The following EBF2 variants were observed in gnomAD, a reference collection of about 807,000 sequenced individuals.
EBF2 encodes the protein EBF transcription factor 2.
Under a neutral mutation model 72.8 loss-of-function variants are expected in EBF2, and 21 were observed. The observed-to-expected ratio is 0.29, with a 90% CI of 0.20 to 0.42. The LOEUF is 0.42. Ranked by LOEUF, EBF2 falls within the 10% of genes least tolerant of loss-of-function variation. The pLI, the probability that EBF2 is intolerant of heterozygous loss-of-function variation, is 1.00. For missense variants in EBF2, 637 were observed against 731.2 expected (o/e 0.87, Z 1.49); for synonymous variants, 299 against 274.2 (o/e 1.09, Z -0.89).
At chr8:26,022,172 A>G (rs900984708) in intron 6 of EBF2, among the ~76,000 whole-genome samples, 3 of 152,158 alleles carry the variant, frequency 2.0e-5, no homozygotes, top group African/African-American at 7.2e-5. Context: ...CTTTCCTTGC[A>G]GAGACCACCT....
At chr8:26,021,430 G>T (rs1459794613) in intron 6 of EBF2, among the ~76,000 whole-genome samples, 3 of 152,184 alleles carry the variant, frequency 2.0e-5, no homozygotes, top group Non-Finnish European at 4.4e-5. Flanking sequence ...TATGCTGATT[G>T]GGTCTGAAGT....
At chr8:25,875,723 G>T (rs1802509893) in intron 10 of EBF2, among the ~76,000 whole-genome samples, 1 of 152,140 alleles carries the variant, frequency 6.6e-6, no homozygotes. Flanking sequence ...CTTCCCAAGG[G>T]TAGAGTGCTT....
chr8:26,019,339 T>G (rs1358438399), intron 6 of EBF2, among the ~76,000 whole-genome samples: 1 of 150,836 alleles, frequency 6.6e-6, no homozygotes, highest in Non-Finnish European at 1.5e-5. Context: ...AAGAAGCAGG[T>G]CTCTGAAGCC....
chr8:26,037,893 G>C (rs1805530264), intron 5 of EBF2, among the ~76,000 whole-genome samples: 1 of 152,192 alleles, frequency 6.6e-6, no homozygotes, highest in African/African-American at 2.4e-5. Context: ...ACAGATTTAT[G>C]AGGCTTTTAC....
At chr8:26,026,158 C>T (rs1315210439) in intron 6 of EBF2, among the ~76,000 whole-genome samples, 1 of 152,124 alleles carries the variant, frequency 6.6e-6, no homozygotes, top group Non-Finnish European at 1.5e-5. Context: ...ACCTGGGCAA[C>T]AGAGCAAGAG....
intron 10 of EBF2, among the ~76,000 whole-genome samples, chr8:25,876,389 T>C (rs1198919247): frequency 1.3e-5 from 2 of 152,064 alleles, no homozygotes; most frequent in Non-Finnish European, 1.5e-5. Context: ...AATCTGCACG[T>C]CCTGCACGTG....
intron 15 of EBF2, among the ~76,000 whole-genome samples, chr8:25,845,610 G>T (rs1801817331): frequency 6.6e-6 from 1 of 152,174 alleles, no homozygotes; most frequent in Admixed American, 6.5e-5. Context: ...TTCGGACAAT[G>T]CCTGTCTGGG....
chr8:26,032,738 A>G (rs1242634055), intron 6 of EBF2: 1 of 201,034 alleles, frequency 5.0e-6, no homozygotes, highest in Admixed American at 5.4e-5. Context: ...AGTGGGTGCC[A>G]CTTAACTTGG....
At chr8:25,942,849 C>T (rs1011830512) in intron 6 of EBF2, among the ~76,000 whole-genome samples, 13 of 152,142 alleles carry the variant, frequency 8.5e-5, no homozygotes, top group African/African-American at 2.7e-4. Flanking sequence ...GAATTTTCCA[C>T]GCTCTTCTGC....
chr8:26,013,140 T>C (rs185666048), intron 6 of EBF2, among the ~76,000 whole-genome samples: 55 of 152,302 alleles, frequency 3.6e-4, no homozygotes, highest in African/African-American at 1.3e-3. Flanking sequence ...GACATTAAAA[T>C]CCAAAGGACG....
intron 15 of EBF2, among the ~76,000 whole-genome samples, chr8:25,850,085 C>G (rs1801929756): frequency 6.6e-6 from 1 of 152,142 alleles, no homozygotes; most frequent in South Asian, 2.1e-4. Flanking sequence ...TTGCTGATGT[C>G]TGTTTTCCCT....
At chr8:25,943,311 C>CA (rs71551840) in intron 6 of EBF2, among the ~76,000 whole-genome samples, 5,119 of 57,972 alleles carry the variant, frequency 0.088, 113 homozygotes, top group Middle Eastern at 0.12. Context: ...TGTCTCTACA[C>CA]AAAAAAAAAA....
chr8:25,900,745 C>A (rs1802937594), intron 7 of EBF2, among the ~76,000 whole-genome samples: 2 of 151,948 alleles, frequency 1.3e-5, no homozygotes, highest in South Asian at 2.1e-4. Flanking sequence ...AAAAACTAAC[C>A]TGCACATTGT....
At chr8:26,042,615 G>A (rs926786368) in intron 1 of EBF2, among the ~76,000 whole-genome samples, 1 of 152,210 alleles carries the variant, frequency 6.6e-6, no homozygotes, top group Admixed American at 6.5e-5. Flanking sequence ...CCGTGGGGCT[G>A]TCTCCATCCA....
intron 6 of EBF2, among the ~76,000 whole-genome samples, chr8:26,008,931 A>G (rs1393899148): frequency 6.6e-6 from 1 of 151,806 alleles, no homozygotes; most frequent in Non-Finnish European, 1.5e-5. Flanking sequence ...AAAGTCGTTA[A>G]GCCAAAAAGT....
At chr8:25,929,722 A>G (rs1803450221) in intron 6 of EBF2, among the ~76,000 whole-genome samples, 1 of 152,174 alleles carries the variant, frequency 6.6e-6, no homozygotes, top group Non-Finnish European at 1.5e-5. Context: ...ACACATGAGT[A>G]AGGTCATGTT....
chr8:25,854,721 G>T (rs1048114204), intron 14 of EBF2, among the ~76,000 whole-genome samples: 3 of 152,020 alleles, frequency 2.0e-5, no homozygotes, highest in Non-Finnish European at 4.4e-5. Flanking sequence ...TATTCTTATG[G>T]TGGGAGTACG....
At chr8:25,859,126 G>A (rs1802159976) in intron 13 of EBF2, among the ~76,000 whole-genome samples, 1 of 152,200 alleles carries the variant, frequency 6.6e-6, no homozygotes, top group African/African-American at 2.4e-5. Flanking sequence ...TGACACTGGA[G>A]TCCAGTGAGA....
At chr8:25,915,608 G>GAAAA (rs34778900) in intron 6 of EBF2, among the ~76,000 whole-genome samples, 1 of 130,972 alleles carries the variant, frequency 7.6e-6, no homozygotes. Context: ...CAGCCTTTTG[G>GAAAA]AAAAAAAAAA....
Sources: gnomAD v4.1 joint callset for allele counts (sites outside exome capture counted in the v4.1 genomes callset) on GRCh38, gnomAD v4.1.1 for gene constraint, MANE v1.5 for transcripts, NCBI Gene and HGNC (gene_info 2026-07-23, HGNC 2026-07-21) for gene names.